The following MARCHF3 variants were observed in gnomAD, a reference collection of about 807,000 sequenced individuals.
The protein encoded by MARCHF3 is membrane associated ring-CH-type finger 3, also known as E3 ubiquitin-protein ligase MARCHF3.
In MARCHF3, 13 loss-of-function variants were observed where a neutral mutation model predicts 24.2. The observed-to-expected ratio is 0.54, with a 90% CI of 0.35 to 0.85. The LOEUF (loss-of-function observed/expected upper bound fraction) is 0.85. Ranked by LOEUF, MARCHF3 falls within the 40% of genes least tolerant of loss-of-function variation. The pLI, the probability that MARCHF3 is intolerant of heterozygous loss-of-function variation, is 0.01. For missense variants in MARCHF3, 276 were observed against 325.0 expected (o/e 0.85, Z 1.16); for synonymous variants, 144 against 137.3 (o/e 1.05, Z -0.34).
chr5:127,008,196 T>G (rs1390458354), intron 1 of MARCHF3, among the ~76,000 whole-genome samples: 1 of 152,200 alleles, frequency 6.6e-6, no homozygotes, highest in African/African-American at 2.4e-5. Context: ...TCTGGAAACC[T>G]TGGTCTAGAT....
At chr5:126,886,425 T>TG (rs1428855572) in intron 3 of MARCHF3, among the ~76,000 whole-genome samples, 2 of 152,206 alleles carry the variant, frequency 1.3e-5, no homozygotes, top group Non-Finnish European at 2.9e-5. Context: ...CACTTCCAGT[T>TG]GCCCCGCATT....
chr5:126,985,945 T>C (rs1304241773), intron 1 of MARCHF3, among the ~76,000 whole-genome samples: 1 of 152,166 alleles, frequency 6.6e-6, no homozygotes, highest in Non-Finnish European at 1.5e-5. Context: ...CACAGTGGGG[T>C]GGTTGATCAT....
chr5:126,970,195 A>T (rs1750958686), intron 1 of MARCHF3, among the ~76,000 whole-genome samples: 1 of 151,608 alleles, frequency 6.6e-6, no homozygotes, highest in Non-Finnish European at 1.5e-5. Context: ...TCAAATGATT[A>T]TCCTGCCTCA....
intron 3 of MARCHF3, among the ~76,000 whole-genome samples, chr5:126,879,117 A>G (rs891675407): frequency 2.0e-5 from 3 of 152,172 alleles, no homozygotes; most frequent in Admixed American, 2.0e-4. Context: ...AGATTGGCAA[A>G]TACTTCGCCC....
intron 1 of MARCHF3, among the ~76,000 whole-genome samples, chr5:126,999,869 G>C (rs949326133): frequency 2.6e-5 from 4 of 151,836 alleles, no homozygotes; most frequent in African/African-American, 9.7e-5. Context: ...TCCATATTAT[G>C]GAAACAAAGC....
At position 126,878,107 on chromosome 5, in the gene MARCHF3, G is replaced by T. The variant is rs1753226388; in HGVS notation, c.603+78C>A. ...TACCGGGCAGGTGAGATGTGTTACAGACAAGAGGAAAGGCTTGTGCCAGCT... is the reference window on the plus strand; with the variant it reads ...TACCGGGCAGGTGAGATGTGTTACATACAAGAGGAAAGGCTTGTGCCAGCT... On this transcript the variant is annotated intron_variant, in intron 4 of 4. Transcript: ENST00000308660. 9.8e-6 allele frequency: 14 copies of T among 1,428,280 alleles called. No individual in the cohort carries two copies. In the South Asian group the frequency reaches 1.1e-4, roughly 11 times the overall value. The allele number at this position is 1,428,280 out of a possible 1,614,324, so 88.5% of individuals were successfully genotyped here.
At chr5:126,931,862 G>T (rs898455429) in intron 1 of MARCHF3, among the ~76,000 whole-genome samples, 7 of 152,160 alleles carry the variant, frequency 4.6e-5, no homozygotes, top group African/African-American at 1.7e-4. Context: ...CAAAGCGGGG[G>T]AAGGCTATTT....
At chr5:126,999,318 A>C (rs1055465261) in intron 1 of MARCHF3, among the ~76,000 whole-genome samples, 1 of 152,214 alleles carries the variant, frequency 6.6e-6, no homozygotes, top group African/African-American at 2.4e-5. Flanking sequence ...AATTATGCCC[A>C]GACCAGCTTT....
chr5:126,988,019 A>G (rs1209550720), intron 1 of MARCHF3, among the ~76,000 whole-genome samples: 1 of 152,184 alleles, frequency 6.6e-6, no homozygotes, highest in Non-Finnish European at 1.5e-5. Context: ...ACTTGTCTCT[A>G]CGTCTAAAAT....
chr5:126,913,719 T>C (rs1754616152), intron 3 of MARCHF3, among the ~76,000 whole-genome samples: 2 of 152,218 alleles, frequency 1.3e-5, no homozygotes, highest in African/African-American at 2.4e-5. Context: ...ATTTTCAAGG[T>C]CAAACCCAAG....
intron 3 of MARCHF3, chr5:126,899,222 G>T: frequency 1.0e-6 from 1 of 985,310 alleles, no homozygotes; most frequent in Middle Eastern, 5.2e-4. Flanking sequence ...AAAGCCTGAA[G>T]ACCTGACAGG....
At chr5:126,932,491 G>C (rs541361395) in intron 1 of MARCHF3, among the ~76,000 whole-genome samples, 1 of 152,274 alleles carries the variant, frequency 6.6e-6, no homozygotes, top group South Asian at 2.1e-4. Flanking sequence ...GGACAGAGGT[G>C]GGCCTCTTGA....
chr5:126,916,263 A>AT (rs1396260734), intron 2 of MARCHF3, among the ~76,000 whole-genome samples: 25 of 152,162 alleles, frequency 1.6e-4, no homozygotes, highest in Admixed American at 1.6e-3. Flanking sequence ...TGGGCAACAG[A>AT]TTTTAAAATG....
intron 4 of MARCHF3, among the ~76,000 whole-genome samples, chr5:126,872,600 AGTAGGCTGGCCTGATGACTTGGT>A: frequency 6.6e-6 from 1 of 152,230 alleles, no homozygotes; most frequent in South Asian, 2.1e-4. Context: ...GTGGTCAGAA[AGTAGGCTGGCCTGATGACTTGGT>A]CTCGAGTTTC....
At chr5:126,941,359 G>A (rs1384363446) in intron 1 of MARCHF3, among the ~76,000 whole-genome samples, 1 of 151,930 alleles carries the variant, frequency 6.6e-6, no homozygotes, top group African/African-American at 2.4e-5. Flanking sequence ...GGTAGGATTA[G>A]AAGTTCAAGC....
chr5:126,950,193 C>A (rs924474719), intron 1 of MARCHF3, among the ~76,000 whole-genome samples: 3 of 152,144 alleles, frequency 2.0e-5, no homozygotes, highest in African/African-American at 7.2e-5. Context: ...CTGGCAAAAC[C>A]AGGATCCAAC....
chr5:126,898,734 G>T (rs1754007932), intron 3 of MARCHF3: 1 of 431,714 alleles, frequency 2.3e-6, no homozygotes, highest in Non-Finnish European at 3.1e-6. Flanking sequence ...GCTCCTACGT[G>T]CCAGCATTTC....
intron 1 of MARCHF3, among the ~76,000 whole-genome samples, chr5:126,961,381 A>G (rs1020602136): frequency 6.6e-6 from 1 of 152,142 alleles, no homozygotes; most frequent in African/African-American, 2.4e-5. Context: ...GGGGTGTTCA[A>G]TCCCCAATCA....
intron 1 of MARCHF3, among the ~76,000 whole-genome samples, chr5:126,932,788 T>C (rs1749521160): frequency 6.6e-6 from 1 of 152,140 alleles, no homozygotes; most frequent in Non-Finnish European, 1.5e-5. Context: ...TTTCCATTTA[T>C]CCTCCCCAGG....
Sources: gnomAD v4.1 joint callset for allele counts (sites outside exome capture counted in the v4.1 genomes callset) on GRCh38, gnomAD v4.1.1 for gene constraint, MANE v1.5 for transcripts, NCBI Gene and HGNC (gene_info 2026-07-23, HGNC 2026-07-21) for gene names.